WDR27: variants seen among roughly 807,000 people sequenced by gnomAD.
The protein encoded by WDR27 is WD repeat-containing protein 27.
Under a neutral mutation model 114.4 loss-of-function variants are expected in WDR27, and 100 were observed. That is an observed-to-expected ratio of 0.87 (90% confidence interval 0.74 to 1.03). WDR27 has a LOEUF of 1.03. WDR27 is among the 50% of genes least tolerant of loss of function. The pLI is 0.00. For synonymous variants in WDR27, 449 were observed against 423.1 expected, an observed-to-expected ratio of 1.06 and a Z score of -0.75; for missense variants, 1,129 against 1,092.9, an observed-to-expected ratio of 1.03 and a Z score of -0.47.
At chr6:169,550,777 T>G (rs1211978326) in intron 25 of WDR27, among the ~76,000 whole-genome samples, 4 of 151,858 alleles carry the variant, frequency 2.6e-5, no homozygotes, top group Admixed American at 2.6e-4. Context: ...GTGCAGTGAC[T>G]CAATCACAGC....
chr6:169,622,096 A>G (rs894668196), intron 21 of WDR27, among the ~76,000 whole-genome samples: 1 of 152,152 alleles, frequency 6.6e-6, no homozygotes, highest in Non-Finnish European at 1.5e-5. Flanking sequence ...AGAAACTCAA[A>G]AGAATGCAAC....
chr6:169,594,660 C>G (rs1408617941), intron 23 of WDR27, among the ~76,000 whole-genome samples: 4 of 152,138 alleles, frequency 2.6e-5, no homozygotes, highest in Non-Finnish European at 4.4e-5. Context: ...TTATAAGTAT[C>G]TTTGCCTCAT....
chr6:169,568,608 C>T (rs754831303), intron 25 of WDR27, among the ~76,000 whole-genome samples: 5 of 152,180 alleles, frequency 3.3e-5, no homozygotes, highest in African/African-American at 4.8e-5. Context: ...CTAAAATGCT[C>T]ACTTTCTCTT....
At chr6:169,669,253 C>T (rs1644683936) in intron 4 of WDR27, among the ~76,000 whole-genome samples, 1 of 152,228 alleles carries the variant, frequency 6.6e-6, no homozygotes, top group African/African-American at 2.4e-5. Context: ...GTGAGCACTT[C>T]ACGGACTCAC....
At chr6:169,439,265 CT>C in the WDR27 span, among the ~76,000 whole-genome samples, 2 of 152,152 alleles carry the variant, frequency 1.3e-5, no homozygotes, top group East Asian at 3.8e-4. Context: ...TCTGATGGTT[CT>C]TACTGTGATG....
chr6:169,687,340 G>T (rs994791728), intron 2 of WDR27, among the ~76,000 whole-genome samples: 1 of 151,574 alleles, frequency 6.6e-6, no homozygotes, highest in Non-Finnish European at 1.5e-5. Flanking sequence ...AAACTAAAGG[G>T]ACAGAAAGCC....
chr6:169,485,844 T>C (rs746634681), intron 25 of WDR27, among the ~76,000 whole-genome samples: 26 of 152,086 alleles, frequency 1.7e-4, no homozygotes, highest in Non-Finnish European at 1.8e-4. Flanking sequence ...AAGAATGAGA[T>C]CATGTCCTTT....
intron 8 of WDR27, chr6:169,663,812 G>A (rs993722282): frequency 6.3e-5 from 16 of 253,200 alleles, no homozygotes; most frequent in Non-Finnish European, 1.2e-4. Context: ...CTGGGTAGGT[G>A]CAGGTGGCAT....
Position 169,664,291 on chromosome 6 carries a change from A to G in WDR27, c.784-5T>C, listed in dbSNP as rs1287229406. On this transcript the variant is annotated splice_region_variant and splice_polypyrimidine_tract_variant and intron_variant, in intron 7 of 25. Coordinates refer to ENST00000448612, the MANE Select transcript of WDR27 (RefSeq NM_182552.5). ...CATCAAACTGAAGATCCAAAGCTAC[A>G]AAAGCAAAGAAGATGCAGACATGGC... is the stretch of plus-strand genomic sequence containing the variant. 1 of 1,613,818 alleles carries G rather than the reference A, an allele frequency of 6.2e-7. No homozygotes were observed. The highest frequency in any genetic ancestry group is 2.2e-5 in the East Asian group (1 of 44,898).
chr6:169,620,569 C>T (rs1359316119), intron 21 of WDR27, among the ~76,000 whole-genome samples: 1 of 152,160 alleles, frequency 6.6e-6, no homozygotes, highest in Non-Finnish European at 1.5e-5. Flanking sequence ...CTACTCATGA[C>T]CTGGAAGCCC....
At chr6:169,658,110 G>A (rs6907814) in intron 13 of WDR27, 166 bp downstream of exon 13, 42,784 of 593,050 alleles carry the variant, frequency 0.072, 1,800 homozygotes, top group East Asian at 0.11. Context: ...CCACCACAGC[G>A]GACATGGAAC....
At chr6:169,561,493 C>G (rs1308408179) in intron 25 of WDR27, among the ~76,000 whole-genome samples, 1 of 152,016 alleles carries the variant, frequency 6.6e-6, no homozygotes, top group Non-Finnish European at 1.5e-5. Context: ...TTTCATATCA[C>G]TTAACAATAG....
chr6:169,638,389 A>T (rs1818274309), intron 18 of WDR27, 150 bp downstream of exon 18: 1 of 903,652 alleles, frequency 1.1e-6, no homozygotes, highest in Non-Finnish European at 1.6e-6. Context: ...TGAAGCAATA[A>T]CTTTTAATCA....
rs528526566 is a variant in WDR27 at position 169,510,056 on chromosome 6, A to C, written c.2646-52422T>G. Among the ~76,000 whole-genome samples, 3 of 152,344 alleles carry C rather than the reference A, an allele frequency of 2.0e-5. No homozygotes were observed. In the South Asian group the frequency reaches 6.2e-4, roughly 32 times the overall value. On this transcript the variant is annotated intron_variant, in intron 25 of 25. Coordinates refer to ENST00000448612, the MANE Select transcript of WDR27 (RefSeq NM_182552.5). The stretch of plus-strand genomic sequence containing the variant: ...TGCTCATCATCACTGGCCATCAGAG[A>C]AATGCAAATCGAAACCACAATGAGA...
At chr6:169,673,214 G>C (rs1779204977) in intron 2 of WDR27, among the ~76,000 whole-genome samples, 1 of 152,082 alleles carries the variant, frequency 6.6e-6, no homozygotes, top group Non-Finnish European at 1.5e-5. Context: ...ACAAAATACA[G>C]AGGGAAAATG....
intron 25 of WDR27, among the ~76,000 whole-genome samples, chr6:169,477,241 TTTTA>T (rs1419008357): frequency 2.0e-5 from 3 of 152,214 alleles, no homozygotes; most frequent in Admixed American, 6.5e-5. Context: ...TTGGCTCTTC[TTTTA>T]TTAGGATTTA....
At chr6:169,568,811 T>C (rs889046551) in intron 25 of WDR27, among the ~76,000 whole-genome samples, 1 of 152,232 alleles carries the variant, frequency 6.6e-6, no homozygotes, top group Non-Finnish European at 1.5e-5. Context: ...ATTTAAAGAT[T>C]TCAAATCTTA....
intron 25 of WDR27, among the ~76,000 whole-genome samples, chr6:169,523,980 G>A (rs1794684699): frequency 1.3e-5 from 2 of 152,038 alleles, no homozygotes; most frequent in Admixed American, 1.3e-4. Context: ...GACATAATAG[G>A]TAGGGAAGAA....
intron 23 of WDR27, among the ~76,000 whole-genome samples, chr6:169,587,290 C>T (rs1316854445): frequency 2.1e-5 from 3 of 146,094 alleles, no homozygotes; most frequent in Admixed American, 1.4e-4. Context: ...GCAATCTCAG[C>T]TCACTACAAC....
Sources: allele counts gnomAD v4.1 joint callset (sites outside exome capture counted in the v4.1 genomes callset), GRCh38; gene constraint gnomAD v4.1.1; transcripts MANE v1.5; gene names NCBI Gene and HGNC (gene_info 2026-07-23, HGNC 2026-07-21).